Variants in LYG2 observed in about 807,000 individuals in gnomAD.
LYG2 encodes the protein lysozyme g-like protein 2.
A neutral mutation model predicts 22.4 loss-of-function variants in LYG2; 25 were observed. The ratio of observed to expected loss-of-function variants is 1.12; its 90% confidence interval spans 0.81 to 1.56. The LOEUF (loss-of-function observed/expected upper bound fraction) is 1.56, where lower values mean the gene tolerates loss of function less well. Ranked by LOEUF, LYG2 falls within the 40% of genes most tolerant of loss-of-function variation. The probability of loss-of-function intolerance (pLI) is 0.00; values close to 1 mark genes in which losing one functional copy is unlikely to be tolerated. For missense variants in LYG2, 266 were observed against 269.5 expected, an observed-to-expected ratio of 0.99 and a Z score of 0.09; for synonymous variants, 88 against 97.0, an observed-to-expected ratio of 0.91 and a Z score of 0.55.
chr2:99,258,904 C>A (rs2094041596), upstream of LYG2, among the ~76,000 whole-genome samples: 2 of 152,156 alleles, frequency 1.3e-5, no homozygotes, highest in South Asian at 4.1e-4. Context: ...ATTTGACCAA[C>A]ATTTCAGGAA....
At chr2:99,248,429 G>T in intron 3 of LYG2, among the ~76,000 whole-genome samples, 1 of 152,056 alleles carries the variant, frequency 6.6e-6, no homozygotes, top group Non-Finnish European at 1.5e-5. Flanking sequence ...CATGTCCTTT[G>T]TAGGGACATG....
At position 99,242,408 on chromosome 2, in the gene LYG2, C is replaced by G; in HGVS notation, c.595G>C (p.Asp199His). The G allele has an allele frequency of 6.2e-7, 1 of 1,613,902 alleles. No individual in the cohort carries two copies. The highest frequency in any genetic ancestry group is 2.2e-5 in the East Asian group (1 of 44,874). ...PSDIDNDFVN[D>H]IIARAKFYKR... is the part of the protein sequence containing the mutation. The stretch of plus-strand genomic sequence containing the variant: ...TAGAACTTAGCTCGAGCAATGATAT[C>G]ATTGACGAAGTCATTGTCTATGTCC... The change falls in exon 7 of 7, where the codon GAT becomes CAT. Residue 199 changes from aspartate to histidine, a missense_variant. By Grantham distance (81) the Asp-to-His change is moderately conservative. Transcript: ENST00000333017.
chr2:99,252,792 AT>A (rs1021984307), intron 3 of LYG2, among the ~76,000 whole-genome samples: 7 of 152,068 alleles, frequency 4.6e-5, no homozygotes, highest in Non-Finnish European at 8.8e-5. Flanking sequence ...CACACCTATA[AT>A]CCCAGCACTT....
intron 3 of LYG2, among the ~76,000 whole-genome samples, chr2:99,250,411 G>T (rs1350493607): frequency 8.3e-5 from 10 of 121,010 alleles, no homozygotes; most frequent in Admixed American, 3.2e-4. Context: ...GTCTTGCTCT[G>T]TCGCCCAGGC....
Position 99,242,397 on chromosome 2 carries a change from A to T in LYG2, c.606T>A (p.Ala202=). 6.2e-7 allele frequency: 1 copy of T among 1,613,614 alleles called. No homozygotes were observed. Among genetic ancestry groups the T allele is most frequent in the Non-Finnish European group, 8.5e-7 (1 of 1,179,604 alleles). ...IDNDFVNDII[A]RAKFYKRQSF ...TTTGTCTTTTATAGAACTTAGCTCG[A>T]GCAATGATATCATTGACGAAGTCAT... Residue 202 remains alanine, a synonymous_variant, in exon 7 of 7, where the codon GCT becomes GCA. Coordinates refer to ENST00000333017, the MANE Select transcript of LYG2 (RefSeq NM_175735.4).
Position 99,242,375 on chromosome 2 carries a change from G to T in LYG2, c.628C>A (p.Gln210Lys). The change falls in exon 7 of 7, where the codon CAA (glutamine) becomes AAA (lysine). Residue 210 changes from glutamine (Q) to lysine (K), a missense_variant. Physicochemically the swap from Gln to Lys is moderately conservative, Grantham distance 53. Transcript: ENST00000333017. Reference sequence around the variant, plus strand: ...CCACAGAGCTTTGCCTAGAAGCTTTGTCTTTTATAGAACTTAGCTCGAGCA... The same window carrying T: ...CCACAGAGCTTTGCCTAGAAGCTTTTTCTTTTATAGAACTTAGCTCGAGCA... ...IIARAKFYKR[Q>K]SF 6.2e-7 allele frequency: 1 copy of T among 1,610,568 alleles called. No homozygotes were observed. Among genetic ancestry groups the T allele is most frequent in the East Asian group, 2.2e-5 (1 of 44,772 alleles).
intron 3 of LYG2, among the ~76,000 whole-genome samples, chr2:99,247,692 G>C (rs2094018656): frequency 6.6e-6 from 1 of 152,072 alleles, no homozygotes; most frequent in Non-Finnish European, 1.5e-5. Flanking sequence ...TGAACATCTA[G>C]ATTAACAATT....
Position 99,245,466 on chromosome 2 carries a change from A to G in LYG2, c.185-8T>C. The G allele has an allele frequency of 1.3e-6, 2 of 1,568,680 alleles. No homozygotes were observed. ...TTTCAGAACCACGGATCCCTACGTCAATAGAAAAGAAACTGTTTTTCCGGG... is the reference window on the plus strand; with the variant it reads ...TTTCAGAACCACGGATCCCTACGTCGATAGAAAAGAAACTGTTTTTCCGGG... On this transcript the variant is annotated splice_polypyrimidine_tract_variant and splice_region_variant and intron_variant, in intron 4 of 6. Transcript: ENST00000333017.
intron 3 of LYG2, 73 bp from the exon 4 acceptor site, chr2:99,246,893 T>A: frequency 6.9e-7 from 1 of 1,457,670 alleles, no homozygotes; most frequent in Non-Finnish European, 9.4e-7. Flanking sequence ...TAAACATCAC[T>A]AAACCAAAGG....
intron 5 of LYG2, 86 bp from the exon 6 acceptor site, chr2:99,244,223 G>A: frequency 7.3e-7 from 1 of 1,361,988 alleles, no homozygotes; most frequent in Non-Finnish European, 1.0e-6. Flanking sequence ...TGGTATTCAA[G>A]TCATAGATAC....
chr2:99,247,595 C>T (rs546594001), intron 3 of LYG2, among the ~76,000 whole-genome samples: 1 of 152,264 alleles, frequency 6.6e-6, no homozygotes, highest in South Asian at 2.1e-4. Context: ...CTACCTTCCT[C>T]CCTCCCTCCT....
At chr2:99,257,825 T>C (rs144738837), upstream of LYG2, among the ~76,000 whole-genome samples, 1,387 of 152,216 alleles carry the variant, frequency 9.1e-3, 24 homozygotes, top group African/African-American at 0.031. Flanking sequence ...GCCTCAGCAA[T>C]TGGAAAACTT....
chr2:99,253,301 A>G (rs2094030637), intron 3 of LYG2, among the ~76,000 whole-genome samples: 2 of 152,188 alleles, frequency 1.3e-5, no homozygotes, highest in Non-Finnish European at 2.9e-5. Flanking sequence ...CACAGCTAAT[A>G]TGGTAGCTCA....
chr2:99,253,896 C>T (rs1310930975), intron 3 of LYG2, among the ~76,000 whole-genome samples: 1 of 152,100 alleles, frequency 6.6e-6, no homozygotes, highest in Non-Finnish European at 1.5e-5. Context: ...ATAATTGTCT[C>T]TTCATGTGTT....
intron 5 of LYG2, 146 bp from the exon 6 acceptor site, chr2:99,244,283 A>G (rs2094011983): frequency 1.3e-6 from 1 of 790,642 alleles, no homozygotes; most frequent in Admixed American, 3.1e-5. Context: ...TTTCATATAG[A>G]TGAGAGTCAG....
At chr2:99,259,904 A>T (rs1410855145), upstream of LYG2, among the ~76,000 whole-genome samples, 1 of 152,116 alleles carries the variant, frequency 6.6e-6, no homozygotes, top group Non-Finnish European at 1.5e-5. Flanking sequence ...CATCACCATA[A>T]AAAGACTGCC....
At chr2:99,249,209 G>A (rs942897567) in intron 3 of LYG2, among the ~76,000 whole-genome samples, 4 of 151,976 alleles carry the variant, frequency 2.6e-5, no homozygotes, top group Admixed American at 6.6e-5. Flanking sequence ...TTGCTTGAGC[G>A]TAGGAGTTTG....
intron 3 of LYG2, among the ~76,000 whole-genome samples, chr2:99,250,533 C>G (rs1187763347): frequency 6.6e-6 from 1 of 152,164 alleles, no homozygotes; most frequent in African/African-American, 2.4e-5. Context: ...TGCCATCACA[C>G]CCGGCTAATT....
chr2:99,245,810 G>A (rs1477235486), intron 4 of LYG2, among the ~76,000 whole-genome samples: 1 of 152,036 alleles, frequency 6.6e-6, no homozygotes, highest in Non-Finnish European at 1.5e-5. Context: ...CCCAACAGGT[G>A]TCGCTTCTGC....
Sources: gnomAD v4.1 joint callset for allele counts (sites outside exome capture counted in the v4.1 genomes callset) on GRCh38, gnomAD v4.1.1 for gene constraint, MANE v1.5 for transcripts, NCBI Gene and HGNC (gene_info 2026-07-23, HGNC 2026-07-21) for gene names.